Variants in TTLL4 observed in about 807,000 individuals in gnomAD.
TTLL4 encodes the protein tubulin tyrosine ligase like 4.
In TTLL4, 85 loss-of-function variants were observed where a neutral mutation model predicts 122.7. The observed-to-expected ratio is 0.69, with a 90% confidence interval of 0.58 to 0.83. The LOEUF (loss-of-function observed/expected upper bound fraction) is 0.83, where lower values mean the gene tolerates loss of function less well. Ranked by LOEUF, TTLL4 falls within the 40% of genes least tolerant of loss-of-function variation. The pLI, the probability that TTLL4 is intolerant of heterozygous loss-of-function variation, is 0.00. For synonymous variants in TTLL4, 553 were observed against 563.0 expected, an observed-to-expected ratio of 0.98 and a Z score of 0.25; for missense variants, 1,363 against 1,488.6, an observed-to-expected ratio of 0.92 and a Z score of 1.39.
chr2:218,719,340 T>C (rs1380016177), intron 1 of TTLL4, among the ~76,000 whole-genome samples: 1 of 152,090 alleles, frequency 6.6e-6, no homozygotes, highest in African/African-American at 2.4e-5. Context: ...TGAGATAGCC[T>C]TGGGAAAGTA....
chr2:218,722,342 G>C (rs1371844296), intron 1 of TTLL4, among the ~76,000 whole-genome samples: 1 of 139,962 alleles, frequency 7.1e-6, no homozygotes, highest in Non-Finnish European at 1.5e-5. Context: ...AAAATTACCA[G>C]CTTCTTTGTT....
At chr2:218,725,735 T>G (rs191887042) in intron 1 of TTLL4, among the ~76,000 whole-genome samples, 4 of 152,188 alleles carry the variant, frequency 2.6e-5, no homozygotes, top group African/African-American at 4.8e-5. Context: ...TTTGTATTTT[T>G]AGTAGAGATG....
At position 218,748,157 on chromosome 2, in the gene TTLL4, T is replaced by C; in HGVS notation, c.2431T>C (p.Tyr811His). ...CAATAAGTTCATGCACCTGACCAAC[T>C]ACAGTGTCAATAAAAAGAATGCCGA... Reference protein sequence around the residue: ...LGNKFMHLTNYSVNKKNAEYQ... With the variant: ...LGNKFMHLTNHSVNKKNAEYQ... Residue 811 changes from tyrosine to histidine, a missense_variant, in exon 12 of 20, where the codon TAC (tyrosine) becomes CAC (histidine). By Grantham distance (83) the Tyr-to-His change is moderately conservative. This residue lies in a region of TTLL4 where 596 missense variants were observed against 655.8 expected (regional missense o/e 0.91). Coordinates refer to ENST00000392102, the MANE Select transcript of TTLL4 (RefSeq NM_014640.5). 1 of 1,614,100 alleles carries C rather than the reference T, an allele frequency of 6.2e-7. No homozygotes were observed. Among genetic ancestry groups the C allele is most frequent in the Non-Finnish European group, 8.5e-7 (1 of 1,180,010 alleles).
chr2:218,724,135 G>A (rs1314117652), intron 1 of TTLL4, among the ~76,000 whole-genome samples: 1 of 152,182 alleles, frequency 6.6e-6, no homozygotes, highest in East Asian at 1.9e-4. Flanking sequence ...TAAAACAAGT[G>A]TGGTAAAGTA....
At chr2:218,734,584 C>G (rs957023294) in intron 2 of TTLL4, among the ~76,000 whole-genome samples, 1 of 152,112 alleles carries the variant, frequency 6.6e-6, no homozygotes, top group African/African-American at 2.4e-5. Flanking sequence ...GAAGAAAGGG[C>G]TCCAGGAACA....
intron 2 of TTLL4, among the ~76,000 whole-genome samples, chr2:218,727,559 A>C (rs1282377754): frequency 6.6e-6 from 1 of 152,114 alleles, no homozygotes; most frequent in African/African-American, 2.4e-5. Context: ...AACACGGTGA[A>C]ACCCTGTCTT....
intron 2 of TTLL4, among the ~76,000 whole-genome samples, chr2:218,732,115 C>T (rs534094335): frequency 2.4e-4 from 36 of 152,190 alleles, no homozygotes; most frequent in Non-Finnish European, 4.7e-4. Context: ...GATGGTAGAT[C>T]CTTTGGACTT....
Position 218,753,137 on chromosome 2 carries a change from G to T in TTLL4, c.3210G>T (p.Trp1070Cys). The change falls in exon 18 of 20, where the codon TGG becomes TGT. Residue 1070 changes from tryptophan to cysteine, a missense_variant. Transcript: ENST00000392102. ...KLKGVDLLRS[W>C]CYKGFHMGVV... ...TAGGAGTAGATCTGCTCCGGAGTTG[G>T]TGCTACAAAGGGTTCCACATGGGAG... The T allele has an allele frequency of 6.2e-7, 1 of 1,614,042 alleles. No homozygotes were observed. The highest frequency in any genetic ancestry group is 8.5e-7 in the Non-Finnish European group (1 of 1,179,974).
At chr2:218,745,659 C>A in intron 6 of TTLL4, 32 bp from the exon 7 acceptor site, 1 of 1,421,148 alleles carries the variant, frequency 7.0e-7, no homozygotes, top group African/African-American at 1.4e-5. Flanking sequence ...CCTCTCCATC[C>A]CCCATCCCCA....
chr2:218,718,440 G>A (rs906981689), intron 1 of TTLL4, among the ~76,000 whole-genome samples: 2 of 151,208 alleles, frequency 1.3e-5, no homozygotes, highest in South Asian at 4.2e-4. Context: ...GTGCAATGGC[G>A]CAATCTCGGC....
chr2:218,716,671 C>T (rs1167147767), intron 1 of TTLL4, among the ~76,000 whole-genome samples: 1 of 152,152 alleles, frequency 6.6e-6, no homozygotes, highest in Non-Finnish European at 1.5e-5. Flanking sequence ...TGCCTGTAGT[C>T]CCAGCTACTC....
chr2:218,744,972 T>C lies in TTLL4; in HGVS notation c.1662-137T>C, dbSNP rs561620335. On this transcript the variant is annotated intron_variant, in intron 5 of 19. Coordinates refer to ENST00000392102, the MANE Select transcript of TTLL4 (RefSeq NM_014640.5). ...TGGATTAATATGTACAAAATAATTA[T>C]TAATTATTGAGCACCTGGCTTTTTA... The C allele has an allele frequency of 4.2e-5, 48 of 1,143,544 alleles. No individual in the cohort carries two copies. The Middle Eastern group carries it at 1.3e-3, about 30-fold the overall frequency. 70.8% of individuals were successfully genotyped at this position (1,143,544 alleles called of 1,614,324 possible). A position where few individuals can be genotyped will look rare whatever the true frequency, so the allele number is the denominator to read the frequency against.
chr2:218,721,386 T>C (rs908854407), intron 1 of TTLL4, among the ~76,000 whole-genome samples: 2 of 152,190 alleles, frequency 1.3e-5, no homozygotes, highest in Admixed American at 6.5e-5. Flanking sequence ...CACCAATTTA[T>C]AGCAAATCAA....
intron 16 of TTLL4, among the ~76,000 whole-genome samples, chr2:218,752,492 A>G (rs761665320): frequency 4.6e-5 from 7 of 152,186 alleles, no homozygotes; most frequent in Non-Finnish European, 1.0e-4. Context: ...CTGGATCCTC[A>G]TCTTGACTTT....
chr2:218,737,736 G>A lies in TTLL4; in HGVS notation c.60G>A (p.Lys20=). The change falls in exon 3 of 20, where the codon AAG becomes AAA. Residue 20 remains lysine, a synonymous_variant. Coordinates refer to ENST00000392102, the MANE Select transcript of TTLL4 (RefSeq NM_014640.5). ...GCCTCCGCCAGAAAAACAGCTTCAA[G>A]CAGAGTGGTCCCTCAGGCACAGTAC... ...SIGLRQKNSF[K]QSGPSGTVPA... The A allele has an allele frequency of 6.2e-7, 1 of 1,614,040 alleles. No homozygotes were observed. The highest frequency in any genetic ancestry group is 8.5e-7 in the Non-Finnish European group (1 of 1,179,962).
chr2:218,752,343 C>T (rs1053149891), intron 16 of TTLL4, among the ~76,000 whole-genome samples: 3 of 152,218 alleles, frequency 2.0e-5, no homozygotes, highest in Admixed American at 6.5e-5. Context: ...CCCTCTTGTC[C>T]AAACTATAGA....
At position 218,753,565 on chromosome 2, in the gene TTLL4, T is replaced by C. The variant is rs1473643482; in HGVS notation, c.3259-19T>C. 2 of 1,613,682 alleles carry C rather than the reference T, an allele frequency of 1.2e-6. No individual in the cohort carries two copies. Among genetic ancestry groups the C allele is most frequent in the East Asian group, 2.2e-5 (1 of 44,906 alleles). ...GCCTCCGCCAAGCCTTTTGGTCTCA[T>C]TGCTTCCTTTGCTCTTAGTGGTCTC... On this transcript the variant is annotated intron_variant, in intron 18 of 19. Coordinates refer to ENST00000392102, the MANE Select transcript of TTLL4 (RefSeq NM_014640.5).
Position 218,720,020 on chromosome 2 carries a change from A to G in TTLL4, c.-177-7249A>G, listed in dbSNP as rs775556473. 9.8e-4 allele frequency among the ~76,000 whole-genome samples: 149 copies of G among 152,228 alleles called. 6 individuals carry two copies. The highest frequency in any genetic ancestry group is 4.7e-4 in the Non-Finnish European group (32 of 68,042). ...GTTTCCCTTTGGGGAAATAAAGTAA[A>G]GGAAAAAGTCAGAAATAACTTAGTT... On this transcript the variant is annotated intron_variant, in intron 1 of 19. Coordinates refer to ENST00000392102, the MANE Select transcript of TTLL4 (RefSeq NM_014640.5).
intron 8 of TTLL4, 199 bp from the exon 9 acceptor site, chr2:218,746,804 C>CT: frequency 1.7e-6 from 1 of 602,592 alleles, no homozygotes; most frequent in South Asian, 2.1e-5. Flanking sequence ...TTACATTACT[C>CT]TGTTTTGTCT....
Sources: allele counts gnomAD v4.1 joint callset (sites outside exome capture counted in the v4.1 genomes callset), GRCh38; gene constraint gnomAD v4.1.1; regional missense constraint gnomAD v4.1.1; transcripts MANE v1.5; gene names NCBI Gene and HGNC (gene_info 2026-07-23, HGNC 2026-07-21).